The following TSHZ2 variants were observed in gnomAD, a reference collection of about 807,000 sequenced individuals.
TSHZ2 encodes the protein teashirt zinc finger homeobox 2, also known as teashirt homolog 2.
In TSHZ2, 21 loss-of-function variants were observed where a neutral mutation model predicts 74.4. That is an observed-to-expected ratio of 0.28 (90% CI 0.20 to 0.41). TSHZ2 has a LOEUF of 0.41. Ranked by LOEUF, TSHZ2 falls within the 10% of genes least tolerant of loss-of-function variation. TSHZ2 has a pLI of 1.00. For synonymous variants in TSHZ2, 540 were observed against 515.3 expected (o/e 1.05, Z -0.65); for missense variants, 1,244 against 1,293.5 (o/e 0.96, Z 0.59).
chr20:53,262,053 A>G (rs1185465165), intron 2 of TSHZ2, among the ~76,000 whole-genome samples: 3 of 152,186 alleles, frequency 2.0e-5, no homozygotes, highest in Non-Finnish European at 4.4e-5. Context: ...GTCTTTCTCC[A>G]TAAAGATCTC....
intron 1 of TSHZ2, among the ~76,000 whole-genome samples, chr20:53,102,936 T>C (rs1251784520): frequency 6.6e-6 from 1 of 152,148 alleles, no homozygotes. Flanking sequence ...TAGTTACATA[T>C]GTATACATGT....
In TSHZ2 at chr20:53,321,683, C is replaced by CAA. The variant is rs59907513; in HGVS notation, c.*8+65128_*8+65129dup. The stretch of plus-strand genomic sequence containing the variant: ...TGGGCAACAGGGCGAGACTCCATCT[C>CAA]AAAAAAAAAAAAAAAAAGAAAGACA... On this transcript the variant is annotated intron_variant, in intron 2 of 2. Transcript: ENST00000371497. Among the ~76,000 whole-genome samples, 57 of 58,304 alleles carry CAA rather than the reference C, an allele frequency of 9.8e-4. 1 individual carries two copies. The highest frequency in any genetic ancestry group is 4.1e-3 in the African/African-American group (49 of 12,002). The allele number at this position is 58,304 out of a possible 152,430, so 38.2% of individuals were successfully genotyped here.
chr20:53,143,703 TAAATA>T (rs1475611005), intron 1 of TSHZ2, among the ~76,000 whole-genome samples: 3 of 151,632 alleles, frequency 2.0e-5, no homozygotes, highest in Non-Finnish European at 2.9e-5. Context: ...AAAAAATAAA[TAAATA>T]AATAAATAAT....
intron 2 of TSHZ2, among the ~76,000 whole-genome samples, chr20:53,380,163 T>TGTGTGC (rs3971382): frequency 0.038 from 5,707 of 150,956 alleles, 342 homozygotes; most frequent in African/African-American, 0.13. Flanking sequence ...TGTGTGTGTG[T>TGTGTGC]GCACACGCAT....
intron 2 of TSHZ2, among the ~76,000 whole-genome samples, chr20:53,329,419 A>AC (rs1433854022): frequency 1.1e-4 from 17 of 152,216 alleles, no homozygotes; most frequent in African/African-American, 4.1e-4. Flanking sequence ...AGACCCCAGG[A>AC]CTGTATTTCT....
intron 2 of TSHZ2, among the ~76,000 whole-genome samples, chr20:53,267,264 G>A (rs1419557085): frequency 2.6e-5 from 4 of 152,186 alleles, no homozygotes; most frequent in African/African-American, 7.2e-5. Flanking sequence ...TGTGTCCCAG[G>A]CAGAGGGCAG....
At chr20:53,158,591 A>G (rs1987852715) in intron 1 of TSHZ2, among the ~76,000 whole-genome samples, 2 of 152,192 alleles carry the variant, frequency 1.3e-5, no homozygotes, top group Admixed American at 1.3e-4. Flanking sequence ...TTTAAATGAG[A>G]TGATCTCAAT....
At chr20:53,467,829 C>T (rs1011927296) in intron 2 of TSHZ2, among the ~76,000 whole-genome samples, 2 of 152,182 alleles carry the variant, frequency 1.3e-5, no homozygotes, top group Non-Finnish European at 2.9e-5. Context: ...CCAAGAACCA[C>T]CTTTCCATGA....
chr20:53,257,998 A>G (rs1990518073), intron 2 of TSHZ2, among the ~76,000 whole-genome samples: 1 of 152,180 alleles, frequency 6.6e-6, no homozygotes, highest in Admixed American at 6.5e-5. Context: ...AGAGGGGTTT[A>G]CTGGGTGTGA....
chr20:53,374,228 G>A (rs1419907838), intron 2 of TSHZ2, among the ~76,000 whole-genome samples: 2 of 152,068 alleles, frequency 1.3e-5, no homozygotes, highest in Non-Finnish European at 2.9e-5. Context: ...ACTTATGTAT[G>A]AGAACACATG....
intron 1 of TSHZ2, among the ~76,000 whole-genome samples, chr20:53,026,214 A>G (rs1437657648): frequency 6.6e-6 from 1 of 152,114 alleles, no homozygotes; most frequent in Admixed American, 6.6e-5. Flanking sequence ...CAAGTTTATA[A>G]GAAACAGGAT....
At chr20:53,413,292 CTT>C (rs749961815) in intron 2 of TSHZ2, among the ~76,000 whole-genome samples, 3 of 152,342 alleles carry the variant, frequency 2.0e-5, no homozygotes. Flanking sequence ...CTTTCAGTCA[CTT>C]TGCTGCAGAT....
At chr20:53,418,315 T>C (rs1379416956) in intron 2 of TSHZ2, among the ~76,000 whole-genome samples, 1 of 152,202 alleles carries the variant, frequency 6.6e-6, no homozygotes, top group Non-Finnish European at 1.5e-5. Flanking sequence ...TCTGAGCAGC[T>C]TCAAAAAACA....
chr20:53,401,876 G>A (rs930879569), intron 2 of TSHZ2, among the ~76,000 whole-genome samples: 56 of 145,560 alleles, frequency 3.8e-4, no homozygotes, highest in African/African-American at 1.4e-3. Context: ...TCCGCCTCCC[G>A]GGTTCACGCC....
chr20:53,410,450 G>A (rs1354746717), intron 2 of TSHZ2, among the ~76,000 whole-genome samples: 4 of 152,102 alleles, frequency 2.6e-5, no homozygotes, highest in African/African-American at 9.7e-5. Flanking sequence ...TATGAAAAAG[G>A]TCTCAGTACG....
At chr20:53,024,843 T>TAACC (rs1983379185) in intron 1 of TSHZ2, among the ~76,000 whole-genome samples, 1 of 152,190 alleles carries the variant, frequency 6.6e-6, no homozygotes, top group Non-Finnish European at 1.5e-5. Context: ...TTTGTATGGT[T>TAACC]GCATAGTATT....
intron 1 of TSHZ2, among the ~76,000 whole-genome samples, chr20:53,107,114 A>T (rs1458060379): frequency 2.6e-5 from 4 of 152,162 alleles, no homozygotes; most frequent in Non-Finnish European, 5.9e-5. Flanking sequence ...CAGGCCCTAG[A>T]ATATGGACAT....
At chr20:53,297,998 A>G (rs1415388079) in intron 2 of TSHZ2, among the ~76,000 whole-genome samples, 1 of 152,180 alleles carries the variant, frequency 6.6e-6, no homozygotes, top group African/African-American at 2.4e-5. Context: ...AGCAGGGGAG[A>G]TAATGTATCC....
At chr20:53,211,247 A>C (rs1036275822) in intron 1 of TSHZ2, among the ~76,000 whole-genome samples, 1 of 152,216 alleles carries the variant, frequency 6.6e-6, no homozygotes, top group Non-Finnish European at 1.5e-5. Flanking sequence ...GTCACTAAAC[A>C]GTTTCCCAAG....
Sources: allele counts gnomAD v4.1 joint callset (sites outside exome capture counted in the v4.1 genomes callset), GRCh38; gene constraint gnomAD v4.1.1; transcripts MANE v1.5; gene names NCBI Gene and HGNC (gene_info 2026-07-23, HGNC 2026-07-21).